Variants in MARVELD2 observed in about 807,000 individuals in gnomAD.
The protein encoded by MARVELD2 is MARVEL domain containing 2, also known as MARVEL domain-containing protein 2.
A neutral mutation model predicts 57.6 loss-of-function variants in MARVELD2; 49 were observed. The observed-to-expected ratio is 0.85, with a 90% CI of 0.68 to 1.08. The LOEUF (loss-of-function observed/expected upper bound fraction) is 1.08, where lower values mean the gene tolerates loss of function less well. Ranked by LOEUF, MARVELD2 falls within the 50% of genes least tolerant of loss-of-function variation. The pLI, the probability that MARVELD2 is intolerant of heterozygous loss-of-function variation, is 0.00. For missense variants in MARVELD2, 606 were observed against 701.1 expected (o/e 0.86, Z 1.53); for synonymous variants, 238 against 258.8 (o/e 0.92, Z 0.77).
chr5:69,426,420 C>T (rs1302423408), intron 3 of MARVELD2, among the ~76,000 whole-genome samples: 2 of 151,124 alleles, frequency 1.3e-5, no homozygotes, highest in African/African-American at 2.4e-5. Context: ...CTGCAACCTT[C>T]GCCTCCCAGG....
rs1292647649 is a variant in MARVELD2 at position 69,420,442 on chromosome 5, A to G, written c.1057A>G (p.Ile353Val). The change falls in exon 2 of 7, where the codon ATA becomes GTA. Residue 353 changes from isoleucine (I) to valine (V), a missense_variant. Physicochemically the swap from Ile to Val is conservative, Grantham distance 29. Coordinates refer to ENST00000325631, the MANE Select transcript of MARVELD2 (RefSeq NM_001038603.3). ...AAMIFLFVTM[I>V]VYLISALVCL... ...AATGATCTTCCTGTTTGTCACCATGATAGTTTATCTCATTAGTGCTTTGGT... is the reference window on the plus strand; with the variant it reads ...AATGATCTTCCTGTTTGTCACCATGGTAGTTTATCTCATTAGTGCTTTGGT... 3 of 1,613,794 alleles carry G rather than the reference A, an allele frequency of 1.9e-6. No homozygotes were observed. The highest frequency in any genetic ancestry group is 2.2e-5 in the South Asian group (2 of 91,090).
At chr5:69,422,759 T>C (rs1302422777) in intron 2 of MARVELD2, among the ~76,000 whole-genome samples, 1 of 152,186 alleles carries the variant, frequency 6.6e-6, no homozygotes, top group Non-Finnish European at 1.5e-5. Context: ...AACTTGCTGG[T>C]TTTACGGCTC....
At chr5:69,430,763 A>T (rs1485594162) in intron 3 of MARVELD2, among the ~76,000 whole-genome samples, 1 of 151,296 alleles carries the variant, frequency 6.6e-6, no homozygotes, top group Non-Finnish European at 1.5e-5. Context: ...TGAACTCCTG[A>T]CATTAAATGA....
At position 69,443,822 on chromosome 5, in the gene MARVELD2, G is replaced by T. The variant is rs1767391737; in HGVS notation, c.*2168G>T. The stretch of plus-strand genomic sequence containing the variant: ...CACTCCCTGGTTTTTATTTGTCAGT[G>T]AAATCTTTATGCATTCATTGTTAAT... On this transcript the variant is annotated 3_prime_UTR_variant, in exon 7 of 7. Coordinates refer to ENST00000325631, the MANE Select transcript of MARVELD2 (RefSeq NM_001038603.3). 3 of 152,094 alleles carry T rather than the reference G, an allele frequency of 2.0e-5. No homozygotes were observed. The South Asian group carries it at 6.2e-4, about 32-fold the overall frequency. 9.4% of individuals were successfully genotyped at this position (152,094 alleles called of 1,614,324 possible). A position where few individuals can be genotyped will look rare whatever the true frequency, so the allele number is the denominator to read the frequency against.
At chr5:69,434,187 G>T (rs1377837281) in intron 5 of MARVELD2, among the ~76,000 whole-genome samples, 1 of 152,110 alleles carries the variant, frequency 6.6e-6, no homozygotes, top group African/African-American at 2.4e-5. Context: ...GAAATGGCCA[G>T]GCGCAGTGGC....
intron 1 of MARVELD2, 98 bp downstream of exon 1, chr5:69,415,268 C>T (rs1356993988): frequency 6.6e-6 from 1 of 152,310 alleles, no homozygotes; most frequent in Admixed American, 6.5e-5. Context: ...GCGCTCGGCG[C>T]TCAGCCTGCC....
At position 69,442,645 on chromosome 5, in the gene MARVELD2, T is replaced by G. The variant is rs1767358711; in HGVS notation, c.*991T>G. Reference sequence around the variant, plus strand: ...CAACCTACTTAACCAAAAGCCCAAGTGTCTGGTGCCTTTCTGGTTTGTGGT... The same window carrying G: ...CAACCTACTTAACCAAAAGCCCAAGGGTCTGGTGCCTTTCTGGTTTGTGGT... On this transcript the variant is annotated 3_prime_UTR_variant, in exon 7 of 7. Coordinates refer to ENST00000325631, the MANE Select transcript of MARVELD2 (RefSeq NM_001038603.3). The G allele has an allele frequency of 6.6e-6, 1 of 152,144 alleles. No homozygotes were observed. Among genetic ancestry groups the G allele is most frequent in the African/African-American group, 2.4e-5 (1 of 41,436 alleles). The allele number at this position is 152,144 out of a possible 1,614,324, so 9.4% of individuals were successfully genotyped here.
chr5:69,424,563 A>C, intron 2 of MARVELD2, 38 bp from the exon 3 acceptor site: 1 of 1,568,214 alleles, frequency 6.4e-7, no homozygotes, highest in Non-Finnish European at 8.8e-7. Flanking sequence ...GTAGCTTCAC[A>C]TGCCTTTGAA....
chr5:69,419,916 G>A lies in MARVELD2; in HGVS notation c.531G>A (p.Glu177=), dbSNP rs761718387. ...QTVRTYSEKV[E]EYNLRYSYMK... is the part of the protein sequence containing the mutation. ...TTCGAACATACAGTGAGAAGGTGGA[G>A]GAGTATAACCTGAGATACTCCTACA... The change falls in exon 2 of 7, where the codon GAG becomes GAA. Residue 177 remains glutamate, a synonymous_variant. Coordinates refer to ENST00000325631, the MANE Select transcript of MARVELD2 (RefSeq NM_001038603.3). The A allele has an allele frequency of 6.2e-7, 1 of 1,614,180 alleles. No individual in the cohort carries two copies. Among genetic ancestry groups the A allele is most frequent in the Non-Finnish European group, 8.5e-7 (1 of 1,180,040 alleles).
In MARVELD2 at chr5:69,442,313, G is replaced by T. The variant is rs1767351278; in HGVS notation, c.*659G>T. On this transcript the variant is annotated 3_prime_UTR_variant, in exon 7 of 7. Transcript: ENST00000325631. The stretch of plus-strand genomic sequence containing the variant: ...AGAAATTCCTAGGGGATTTCTAAAG[G>T]ATTTTTCTAAGGGAAAAAGGGTGAC... 6.6e-6 allele frequency: 1 copy of T among 152,098 alleles called. No individual in the cohort carries two copies. Among genetic ancestry groups the T allele is most frequent in the South Asian group, 2.1e-4 (1 of 4,818 alleles). 9.4% of individuals were successfully genotyped at this position (152,098 alleles called of 1,614,324 possible). A position where few individuals can be genotyped will look rare whatever the true frequency, so the allele number is the denominator to read the frequency against.
intron 3 of MARVELD2, among the ~76,000 whole-genome samples, chr5:69,425,886 G>A (rs972623915): frequency 2.1e-4 from 32 of 151,554 alleles, no homozygotes; most frequent in African/African-American, 6.5e-4. Context: ...CCACCACCGC[G>A]GCCGGCTAAT....
In MARVELD2 at chr5:69,441,913, C is replaced by CT. The variant is rs1371406631; in HGVS notation, c.*266dup. ...CCATGTTGGTCAGGCTGGGAAACTA[C>CT]TTTTTTTAAAAAATAGCAAGTTTAC... On this transcript the variant is annotated 3_prime_UTR_variant, in exon 7 of 7. Transcript: ENST00000325631. 2.0e-5 allele frequency: 5 copies of CT among 255,832 alleles called. No individual in the cohort carries two copies. The highest frequency in any genetic ancestry group is 1.1e-4 in the South Asian group (2 of 17,424). 15.8% of individuals were successfully genotyped at this position (255,832 alleles called of 1,614,324 possible). A position where few individuals can be genotyped will look rare whatever the true frequency, so the allele number is the denominator to read the frequency against.
In MARVELD2 at chr5:69,419,712, CT is replaced by C. The variant is rs755456353; in HGVS notation, c.328del (p.Ser110ProfsTer53). On this transcript the variant is annotated frameshift_variant, in exon 2 of 7. Coordinates refer to ENST00000325631, the MANE Select transcript of MARVELD2 (RefSeq NM_001038603.3). LOFTEE classifies it high-confidence loss of function. ...DKPVSDIRYI[S>X]DGVECSPPAS... The stretch of plus-strand genomic sequence containing the variant: ...AGCCGGTGTCTGATATCAGGTACAT[CT>C]CCGATGGAGTGGAGTGTTCACCACC... The C allele has an allele frequency of 5.0e-6, 8 of 1,614,032 alleles. No homozygotes were observed. Among genetic ancestry groups the C allele is most frequent in the Non-Finnish European group, 6.8e-6 (8 of 1,180,050 alleles).
intron 5 of MARVELD2, among the ~76,000 whole-genome samples, chr5:69,438,941 G>A (rs373181095): frequency 4.6e-4 from 70 of 150,634 alleles, no homozygotes; most frequent in African/African-American, 1.6e-3. Flanking sequence ...GTGATGTGCC[G>A]TATAATCCCA....
At chr5:69,425,677 T>A (rs909379261) in intron 3 of MARVELD2, among the ~76,000 whole-genome samples, 1 of 151,520 alleles carries the variant, frequency 6.6e-6, no homozygotes, top group African/African-American at 2.4e-5. Context: ...TGCTTTCAGA[T>A]GCCAAATTTT....
intron 1 of MARVELD2, among the ~76,000 whole-genome samples, chr5:69,416,282 AAGAG>A (rs1235228083): frequency 2.0e-5 from 3 of 151,998 alleles, no homozygotes; most frequent in Admixed American, 6.5e-5. Context: ...TAGAGAAAGA[AAGAG>A]AAAGGTACAA....
At chr5:69,440,529 A>T in intron 6 of MARVELD2, 29 bp downstream of exon 6, 1 of 1,218,554 alleles carries the variant, frequency 8.2e-7, no homozygotes, top group Non-Finnish European at 1.2e-6. Context: ...TTCAAACTGT[A>T]TTCTTATCCA....
At chr5:69,418,663 A>G (rs1766502118) in intron 1 of MARVELD2, among the ~76,000 whole-genome samples, 1 of 152,170 alleles carries the variant, frequency 6.6e-6, no homozygotes, top group South Asian at 2.1e-4. Context: ...TTGATTTAGG[A>G]AGGGGAAGGG....
chr5:69,430,057 C>T (rs1175972932), intron 3 of MARVELD2, among the ~76,000 whole-genome samples: 1 of 151,552 alleles, frequency 6.6e-6, no homozygotes, highest in Non-Finnish European at 1.5e-5. Flanking sequence ...AGGTGCATGC[C>T]ACCACACCCA....
Sources: allele counts gnomAD v4.1 joint callset (sites outside exome capture counted in the v4.1 genomes callset), GRCh38; gene constraint gnomAD v4.1.1; transcripts MANE v1.5; gene names NCBI Gene and HGNC (gene_info 2026-07-23, HGNC 2026-07-21).